The following ATP6V0A4 variants were observed in gnomAD, a reference collection of about 807,000 sequenced individuals.
ATP6V0A4 encodes ATPase H+ transporting V0 subunit a4.
In ATP6V0A4, 86 loss-of-function variants were observed where a neutral mutation model predicts 107.3. That is an observed-to-expected ratio of 0.80 (90% confidence interval 0.67 to 0.96). The LOEUF (loss-of-function observed/expected upper bound fraction) is 0.96, where lower values mean the gene tolerates loss of function less well. Among genes scored for constraint, ATP6V0A4 ranks in the 40% least tolerant of loss-of-function variants. The probability of loss-of-function intolerance (pLI) is 0.00; values close to 1 mark genes in which losing one functional copy is unlikely to be tolerated. For synonymous variants in ATP6V0A4, 353 were observed against 381.4 expected, an observed-to-expected ratio of 0.93 and a Z score of 0.87; for missense variants, 908 against 1,045.6, an observed-to-expected ratio of 0.87 and a Z score of 1.81.
intron 20 of ATP6V0A4, among the ~76,000 whole-genome samples, chr7:138,714,343 C>G (rs1472275805): frequency 6.6e-6 from 1 of 151,810 alleles, no homozygotes; most frequent in Non-Finnish European, 1.5e-5. Context: ...GGAGAAGGAC[C>G]CAGAGATCAA....
rs760867942 is a variant in ATP6V0A4 at position 138,752,662 on chromosome 7, T to C, written c.992A>G (p.Asp331Gly). The C allele has an allele frequency of 6.2e-7, 1 of 1,613,746 alleles. No homozygotes were observed. The highest frequency in any genetic ancestry group is 8.5e-7 in the Non-Finnish European group (1 of 1,179,882). The change falls in exon 11 of 22, where the codon GAT (aspartate) becomes GGT (glycine). Residue 331 changes from aspartate to glycine, a missense_variant. Transcript: ENST00000310018. The stretch of plus-strand genomic sequence containing the variant: ...CAGTGCCCTCTTGATACGTGTGGCA[T>C]CTGCCACCGGGAACCAGATCTCGGC... ...VIAEIWFPVA[D>G]ATRIKRALEQ...
intron 20 of ATP6V0A4, among the ~76,000 whole-genome samples, chr7:138,712,445 A>G (rs7809774): frequency 0.14 from 21,077 of 151,614 alleles, 2,255 homozygotes; most frequent in African/African-American, 0.3. Flanking sequence ...GTAAGTTGTT[A>G]TTGCAACAGA....
chr7:138,770,181 A>G (rs1444490554), intron 3 of ATP6V0A4, among the ~76,000 whole-genome samples: 1 of 152,086 alleles, frequency 6.6e-6, no homozygotes, highest in African/African-American at 2.4e-5. Context: ...AGAAAATCAT[A>G]TATCTGCCTG....
At chr7:138,741,447 C>G (rs1267469256) in intron 14 of ATP6V0A4, among the ~76,000 whole-genome samples, 2 of 152,168 alleles carry the variant, frequency 1.3e-5, no homozygotes, top group Non-Finnish European at 2.9e-5. Flanking sequence ...AAAAGTCACC[C>G]CTGACAGGAA....
At chr7:138,726,448 G>A (rs1344741005) in intron 18 of ATP6V0A4, among the ~76,000 whole-genome samples, 6 of 152,334 alleles carry the variant, frequency 3.9e-5, no homozygotes, top group East Asian at 1.9e-4. Flanking sequence ...GTACTCACTC[G>A]CTGCCCACGG....
chr7:138,756,003 CT>C, intron 9 of ATP6V0A4: 1 of 757,988 alleles, frequency 1.3e-6, no homozygotes, highest in Non-Finnish European at 2.1e-6. Context: ...TATGAATGAG[CT>C]TCATTCAAAC....
chr7:138,756,731 A>G, intron 8 of ATP6V0A4, 191 bp from the exon 9 acceptor site: 2 of 287,338 alleles, frequency 7.0e-6, no homozygotes, highest in Non-Finnish European at 1.0e-5. Context: ...GACCTCACAG[A>G]GGCTAATGCA....
chr7:138,787,827 A>G (rs771758129), intron 1 of ATP6V0A4, among the ~76,000 whole-genome samples: 3 of 151,952 alleles, frequency 2.0e-5, no homozygotes, highest in Non-Finnish European at 4.4e-5. Context: ...GCAAGACCTC[A>G]ACTCTACTAA....
chr7:138,781,890 CT>C (rs1807944936), intron 2 of ATP6V0A4, among the ~76,000 whole-genome samples: 2 of 140,798 alleles, frequency 1.4e-5, no homozygotes, highest in Non-Finnish European at 1.5e-5. Context: ...GTTGCCAAGG[CT>C]TGTCTCAAAC....
intron 2 of ATP6V0A4, among the ~76,000 whole-genome samples, chr7:138,778,239 G>A (rs550265469): frequency 6.6e-6 from 1 of 152,026 alleles, no homozygotes; most frequent in Non-Finnish European, 1.5e-5. Context: ...AGCGGGGCGT[G>A]GTGGTGGGTG....
intron 5 of ATP6V0A4, among the ~76,000 whole-genome samples, chr7:138,763,430 C>T (rs1039328739): frequency 6.6e-6 from 1 of 152,024 alleles, no homozygotes. Flanking sequence ...GCGTTCAAGA[C>T]CAGCCTGGTT....
chr7:138,775,086 C>G (rs1807598275), intron 2 of ATP6V0A4, among the ~76,000 whole-genome samples: 1 of 152,122 alleles, frequency 6.6e-6, no homozygotes, highest in African/African-American at 2.4e-5. Context: ...ACAGATCCCC[C>G]ACAGGGACTC....
At chr7:138,771,644 G>C (rs2117339217) in intron 2 of ATP6V0A4, among the ~76,000 whole-genome samples, 1 of 152,228 alleles carries the variant, frequency 6.6e-6, no homozygotes, top group South Asian at 2.1e-4. Context: ...TTTTGAGACA[G>C]AGTCTTGCTC....
rs1200583333 is a variant in ATP6V0A4 at position 138,759,851 on chromosome 7, C to A, written c.540G>T (p.Glu180Asp). 6.2e-7 allele frequency: 1 copy of A among 1,614,130 alleles called. No individual in the cohort carries two copies. ...LGFIAGVINR[E>D]RMASFERLLW... is the part of the protein sequence containing the mutation. Reference sequence around the variant, plus strand: ...GTAACCGCTCAAAGGAAGCCATCCTCTCCCTGTTGATCACACCGGCTATGA... The same window carrying A: ...GTAACCGCTCAAAGGAAGCCATCCTATCCCTGTTGATCACACCGGCTATGA... Residue 180 changes from glutamate to aspartate, a missense_variant, in exon 8 of 22, where the codon GAG (glutamate) becomes GAT (aspartate). Coordinates refer to ENST00000310018, the MANE Select transcript of ATP6V0A4 (RefSeq NM_020632.3).
intron 15 of ATP6V0A4, among the ~76,000 whole-genome samples, chr7:138,735,819 T>C (rs12112553): frequency 0.6 from 88,516 of 148,598 alleles, 26,381 homozygotes; most frequent in East Asian, 0.92. Flanking sequence ...ATTAAAAATG[T>C]TGGCCAGGTG....
chr7:138,750,441 A>T (rs1806164692), intron 11 of ATP6V0A4, among the ~76,000 whole-genome samples: 1 of 151,988 alleles, frequency 6.6e-6, no homozygotes, highest in Non-Finnish European at 1.5e-5. Flanking sequence ...CCTAGGCTCA[A>T]ATGATCCTCC....
At chr7:138,728,935 C>T (rs1804850115) in intron 17 of ATP6V0A4, 73 bp from the exon 18 acceptor site, 1 of 1,610,032 alleles carries the variant, frequency 6.2e-7, no homozygotes, top group Admixed American at 1.7e-5. Context: ...ATGAAAATGA[C>T]CACTATGGGC....
At chr7:138,778,865 C>A (rs1040362465) in intron 2 of ATP6V0A4, among the ~76,000 whole-genome samples, 1 of 152,118 alleles carries the variant, frequency 6.6e-6, no homozygotes, top group African/African-American at 2.4e-5. Flanking sequence ...TTACCCCCAT[C>A]CATTGGTAAT....
chr7:138,733,962 C>T (rs766026541), intron 16 of ATP6V0A4, among the ~76,000 whole-genome samples, 174 bp downstream of exon 16: 6 of 152,090 alleles, frequency 3.9e-5, no homozygotes, highest in Non-Finnish European at 8.8e-5. Flanking sequence ...AACGGAGGTG[C>T]TGCCATTTCC....
Sources: gnomAD v4.1 joint callset for allele counts (sites outside exome capture counted in the v4.1 genomes callset) on GRCh38, gnomAD v4.1.1 for gene constraint, MANE v1.5 for transcripts, NCBI Gene and HGNC (gene_info 2026-07-23, HGNC 2026-07-21) for gene names.